The following SORCS3 variants were observed in gnomAD, a reference collection of about 807,000 sequenced individuals.
SORCS3 encodes sortilin related VPS10 domain containing receptor 3, also known as VPS10 domain-containing receptor SorCS3.
In SORCS3, 57 loss-of-function variants were observed where a neutral mutation model predicts 146.3. The ratio of observed to expected loss-of-function variants is 0.39; its 90% CI spans 0.31 to 0.49. The LOEUF (loss-of-function observed/expected upper bound fraction) is 0.49. SORCS3 is among the 20% of genes least tolerant of loss of function. SORCS3 has a pLI of 0.92. For missense variants in SORCS3, 1,341 were observed against 1,575.5 expected (o/e 0.85, Z 2.52); for synonymous variants, 653 against 618.5 (o/e 1.06, Z -0.83).
At chr10:104,997,377 T>C (rs1339589254) in intron 4 of SORCS3, among the ~76,000 whole-genome samples, 8 of 152,196 alleles carry the variant, frequency 5.3e-5, no homozygotes, top group Non-Finnish European at 1.0e-4. Flanking sequence ...ACCCCTAATT[T>C]GTGTCATAAC....
chr10:104,679,888 G>GT (rs2015951284), intron 1 of SORCS3, among the ~76,000 whole-genome samples: 1 of 152,004 alleles, frequency 6.6e-6, no homozygotes, highest in African/African-American at 2.4e-5. Flanking sequence ...AAGCTATTGT[G>GT]TTTTTTTAAT....
intron 2 of SORCS3, among the ~76,000 whole-genome samples, chr10:104,879,310 G>T (rs1480243700): frequency 1.3e-5 from 2 of 152,134 alleles, no homozygotes; most frequent in Non-Finnish European, 2.9e-5. Context: ...GTTATAGGCT[G>T]CTTATATCCC....
At chr10:105,242,813 A>C (rs1213254550) in intron 20 of SORCS3, among the ~76,000 whole-genome samples, 3 of 62,254 alleles carry the variant, frequency 4.8e-5, no homozygotes, top group African/African-American at 1.2e-4. Context: ...TAATTTATAT[A>C]TATTTTTATA....
At chr10:105,101,674 CGAAT>C (rs1564754092) in intron 6 of SORCS3, among the ~76,000 whole-genome samples, 2 of 152,068 alleles carry the variant, frequency 1.3e-5, no homozygotes, top group Non-Finnish European at 2.9e-5. Context: ...CTGGTGGCCT[CGAAT>C]ACACTTGCTT....
chr10:105,059,034 A>C (rs1310138131), intron 5 of SORCS3, among the ~76,000 whole-genome samples: 2 of 152,154 alleles, frequency 1.3e-5, no homozygotes, highest in Non-Finnish European at 2.9e-5. Flanking sequence ...GGATCTCTGG[A>C]CCTGGGCCTC....
intron 1 of SORCS3, among the ~76,000 whole-genome samples, chr10:104,745,163 G>A (rs540119418): frequency 1.3e-5 from 2 of 152,088 alleles, no homozygotes; most frequent in African/African-American, 4.8e-5. Context: ...AGGTTTGAAG[G>A]GGGTTTCCTA....
At chr10:104,860,420 G>A (rs1263852741) in intron 2 of SORCS3, among the ~76,000 whole-genome samples, 1 of 131,234 alleles carries the variant, frequency 7.6e-6, no homozygotes, top group African/African-American at 2.8e-5. Flanking sequence ...GGACTGTTGT[G>A]AGGTGGGGGG....
At chr10:105,112,133 A>G (rs1353019057) in intron 7 of SORCS3, among the ~76,000 whole-genome samples, 1 of 152,116 alleles carries the variant, frequency 6.6e-6, no homozygotes, top group Non-Finnish European at 1.5e-5. Flanking sequence ...AGCTTATGGT[A>G]TTGTTATTTT....
At chr10:104,973,418 T>G (rs921014333) in intron 3 of SORCS3, among the ~76,000 whole-genome samples, 57 of 152,334 alleles carry the variant, frequency 3.7e-4, no homozygotes, top group African/African-American at 1.2e-3. Context: ...CCTGGTTTAG[T>G]CTTGGGAGGG....
chr10:105,163,530 G>A (rs1256496525), intron 11 of SORCS3, among the ~76,000 whole-genome samples: 1 of 152,132 alleles, frequency 6.6e-6, no homozygotes, highest in East Asian at 1.9e-4. Flanking sequence ...GCTGTGAGAA[G>A]AGGGCTGCTC....
chr10:104,830,979 T>A lies in SORCS3; in HGVS notation c.628-11813T>A, dbSNP rs11814531. On this transcript the variant is annotated intron_variant, in intron 1 of 26. Coordinates refer to ENST00000369701, the MANE Select transcript of SORCS3 (RefSeq NM_014978.3). ...GATGTGTGCCACCATGCCCAGCTAATTTTTTTTAATTATTATTATTTTTTT... is the reference window on the plus strand; with the variant it reads ...GATGTGTGCCACCATGCCCAGCTAAATTTTTTTAATTATTATTATTTTTTT... Among the ~76,000 whole-genome samples the A allele has an allele frequency of 6.1e-3, 916 of 150,652 alleles. 16 individuals are homozygous for A. Among genetic ancestry groups the A allele is most frequent in the African/African-American group, 0.021 (852 of 41,256 alleles).
chr10:105,176,981 A>G lies in SORCS3; in HGVS notation c.1902-1085A>G, dbSNP rs1480512502. Among the ~76,000 whole-genome samples the G allele has an allele frequency of 2.0e-5, 3 of 149,678 alleles. No homozygotes were observed. The East Asian group carries it at 5.8e-4, about 29-fold the overall frequency. ...AGGATTTATGTGTGTGTGTGTGTAT[A>G]CACACACACATACTGTGCGGAGCAT... On this transcript the variant is annotated intron_variant, in intron 13 of 26. Coordinates refer to ENST00000369701, the MANE Select transcript of SORCS3 (RefSeq NM_014978.3).
At chr10:105,255,567 A>C (rs989912712) in intron 23 of SORCS3, 135 bp from the exon 24 acceptor site, 2 of 624,174 alleles carry the variant, frequency 3.2e-6, no homozygotes, top group Non-Finnish European at 2.9e-6. Flanking sequence ...CAAATCGATA[A>C]ATATTTTTCA....
At chr10:104,860,506 A>G (rs1378802990) in intron 2 of SORCS3, among the ~76,000 whole-genome samples, 1 of 150,092 alleles carries the variant, frequency 6.7e-6, no homozygotes, top group African/African-American at 2.5e-5. Context: ...CCAGCATGGC[A>G]CATGTATACA....
chr10:104,956,121 A>G (rs1311702705), intron 3 of SORCS3, among the ~76,000 whole-genome samples: 2 of 152,142 alleles, frequency 1.3e-5, no homozygotes, highest in Non-Finnish European at 2.9e-5. Context: ...ATATTTGGGG[A>G]ACTGTGATTT....
intron 13 of SORCS3, among the ~76,000 whole-genome samples, chr10:105,168,296 C>T (rs529397861): frequency 1.3e-5 from 2 of 152,258 alleles, no homozygotes; most frequent in Admixed American, 1.3e-4. Flanking sequence ...GCAAGACCTT[C>T]CACAAGGACA....
At chr10:105,078,652 C>G (rs760911649) in intron 5 of SORCS3, among the ~76,000 whole-genome samples, 1 of 152,156 alleles carries the variant, frequency 6.6e-6, no homozygotes, top group Non-Finnish European at 1.5e-5. Context: ...ATATTTTGAG[C>G]ACTATCATAC....
intron 1 of SORCS3, among the ~76,000 whole-genome samples, chr10:104,728,018 C>T (rs1330160567): frequency 7.3e-6 from 1 of 137,054 alleles, no homozygotes; most frequent in South Asian, 2.5e-4. Context: ...ATATATATAA[C>T]AGTTCTATCT....
At chr10:105,061,154 C>T (rs1387037153) in intron 5 of SORCS3, among the ~76,000 whole-genome samples, 1 of 152,016 alleles carries the variant, frequency 6.6e-6, no homozygotes, top group East Asian at 1.9e-4. Context: ...ATAATATTTA[C>T]ACATTTGTTG....
Sources: allele counts gnomAD v4.1 joint callset (sites outside exome capture counted in the v4.1 genomes callset), GRCh38; gene constraint gnomAD v4.1.1; transcripts MANE v1.5; gene names NCBI Gene and HGNC (gene_info 2026-07-23, HGNC 2026-07-21).